BRCA2: variants seen among roughly 807,000 people sequenced by gnomAD.
The protein encoded by BRCA2 is breast cancer type 2 susceptibility protein.
Under a neutral mutation model 276.7 loss-of-function variants are expected in BRCA2, and 203 were observed. The ratio of observed to expected loss-of-function variants is 0.73; its 90% CI spans 0.65 to 0.82. The LOEUF is 0.82. Among genes scored for constraint, BRCA2 ranks in the 40% least tolerant of loss-of-function variants. The probability of loss-of-function intolerance (pLI) is 0.00; values close to 1 mark genes in which losing one functional copy is unlikely to be tolerated. For synonymous variants in BRCA2, 1,289 were observed against 1,338.4 expected, an observed-to-expected ratio of 0.96 and a Z score of 0.81; for missense variants, 3,920 against 3,915.0, an observed-to-expected ratio of 1.00 and a Z score of -0.03.
chr13:32,371,235 G>A lies in BRCA2; in HGVS notation c.8632+135G>A, dbSNP rs276174908. On this transcript the variant is annotated intron_variant, in intron 20 of 26. Transcript: ENST00000380152. ...AATTGACTTTATTTTTTAGTATCTA[G>A]GGTATTCTTTTTTGGTGTTAGACAA... is the stretch of plus-strand genomic sequence containing the variant. 4 of 914,528 alleles carry A rather than the reference G, an allele frequency of 4.4e-6. No homozygotes were observed. The highest frequency in any genetic ancestry group is 6.5e-6 in the Non-Finnish European group (4 of 614,068). 56.7% of individuals were successfully genotyped at this position (914,528 alleles called of 1,614,324 possible).
Position 32,376,688 on chromosome 13 carries a change from A to T in BRCA2, c.8651A>T (p.Tyr2884Phe), listed in dbSNP as rs587781494. 1 of 1,614,136 alleles carries T rather than the reference A, an allele frequency of 6.2e-7. No individual in the cohort carries two copies. Among genetic ancestry groups the T allele is most frequent in the Non-Finnish European group, 8.5e-7 (1 of 1,179,998 alleles). ...TTCTTAGAAAACACAACAAAACCAT[A>T]TTTACCATCACGTGCACTAACAAGA... ...EEHEENTTKP[Y>F]LPSRALTRQQ... The change falls in exon 21 of 27, where the codon TAT (tyrosine) becomes TTT (phenylalanine). Residue 2884 changes from tyrosine to phenylalanine, a missense_variant. Physicochemically the swap from Tyr to Phe is conservative, Grantham distance 22 (BLOSUM62 3). Transcript: ENST00000380152.
Position 32,379,755 on chromosome 13 carries a change from CTGAG to C in BRCA2, c.8961_8964del (p.Ser2988PhefsTer12), listed in dbSNP as rs80359734. On this transcript the variant is annotated frameshift_variant, in exon 23 of 27. Transcript: ENST00000380152. LOFTEE classifies it high-confidence loss of function. ...TCTCATCTTTCTCCAAACAGTTATA[CTGAG>C]TATTTGGCGTCCATCATCAGATTTA... 6.2e-7 allele frequency: 1 copy of C among 1,610,696 alleles called. No individual in the cohort carries two copies. Among genetic ancestry groups the C allele is most frequent in the Non-Finnish European group, 8.5e-7 (1 of 1,177,006 alleles).
intron 12 of BRCA2, among the ~76,000 whole-genome samples, chr13:32,346,592 A>T (rs1042820531): frequency 6.6e-6 from 1 of 152,114 alleles, no homozygotes; most frequent in African/African-American, 2.4e-5. Context: ...GTTAACATCA[A>T]CTGACTAAAT....
At position 32,398,225 on chromosome 13, in the gene BRCA2, A is replaced by T. The variant is rs2137663102; in HGVS notation, c.9712A>T (p.Lys3238Ter). 1 of 1,613,454 alleles carries T rather than the reference A, an allele frequency of 6.2e-7. No homozygotes were observed. The highest frequency in any genetic ancestry group is 8.5e-7 in the Non-Finnish European group (1 of 1,179,786). The change falls in exon 27 of 27, where the codon AAG becomes TAG. Residue 3238 changes from lysine to a stop codon, truncating the protein, a stop_gained. Coordinates refer to ENST00000380152, the MANE Select transcript of BRCA2 (RefSeq NM_000059.4). LOFTEE classifies it low-confidence loss of function (END_TRUNC). ...TTTATCACTTTGTATGGCCAAAAGG[A>T]AGTCTGTTTCCACACCTGTCTCAGC... The part of the protein sequence containing the change: ...SPLSLCMAKR[K>*]SVSTPVSAQM...
In BRCA2 at chr13:32,336,414, G is replaced by T. The variant is rs2072449688; in HGVS notation, c.2059G>T (p.Asp687Tyr). 6.2e-7 allele frequency: 1 copy of T among 1,613,596 alleles called. No individual in the cohort carries two copies. Among genetic ancestry groups the T allele is most frequent in the East Asian group, 2.2e-5 (1 of 44,856 alleles). The change falls in exon 11 of 27, where the codon GAT becomes TAT. Residue 687 changes from aspartate (D) to tyrosine (Y), a missense_variant. This residue lies in a region of BRCA2 where 3,263 missense variants were observed against 3,156.9 expected (regional missense o/e 1.03). Coordinates refer to ENST00000380152, the MANE Select transcript of BRCA2 (RefSeq NM_000059.4). ...SNNTVISQDL[D>Y]YKEAKCNKEK... ...TAATACAGTAATCTCTCAGGATCTT[G>T]ATTATAAAGAAGCAAAATGTAATAA...
intron 7 of BRCA2, among the ~76,000 whole-genome samples, chr13:32,328,484 C>T (rs1008759081): frequency 2.0e-5 from 3 of 152,122 alleles, no homozygotes; most frequent in African/African-American, 4.8e-5. Flanking sequence ...TCAAGTGATT[C>T]GTTTGTCTCA....
rs876661187 is a variant in BRCA2 at position 32,354,887 on chromosome 13, A to G, written c.7034A>G (p.Gln2345Arg). The change falls in exon 14 of 27, where the codon CAG (glutamine) becomes CGG (arginine). Residue 2345 changes from glutamine to arginine, a missense_variant. Physicochemically the swap from Gln to Arg is conservative, Grantham distance 43. This residue lies in a region of BRCA2 where 3,263 missense variants were observed against 3,156.9 expected (regional missense o/e 1.03). Coordinates refer to ENST00000380152, the MANE Select transcript of BRCA2 (RefSeq NM_000059.4). ...FRTTKERQEIQNPNFTAPGQE... is the reference protein window; with the variant it reads ...FRTTKERQEIRNPNFTAPGQE... Reference sequence around the variant, plus strand: ...ACAACTAAGGAACGTCAAGAGATACAGAATCCAAATTTTACCGCACCTGGT... The same window carrying G: ...ACAACTAAGGAACGTCAAGAGATACGGAATCCAAATTTTACCGCACCTGGT... 4 of 1,610,352 alleles carry G rather than the reference A, an allele frequency of 2.5e-6. No individual in the cohort carries two copies. The highest frequency in any genetic ancestry group is 4.5e-5 in the East Asian group (2 of 44,838).
At chr13:32,319,843 C>G (rs1403139274) in intron 3 of BRCA2, among the ~76,000 whole-genome samples, 1 of 152,088 alleles carries the variant, frequency 6.6e-6, no homozygotes, top group African/African-American at 2.4e-5. Flanking sequence ...GAGTGTTAAT[C>G]TCTAGTAAGG....
In BRCA2 at chr13:32,365,109, C is replaced by CTTTTTTTT. The variant is rs57551462; in HGVS notation, c.8331+1597_8331+1604dup. 1.2e-4 allele frequency among the ~76,000 whole-genome samples: 8 copies of CTTTTTTTT among 64,480 alleles called. 1 individual carries two copies. Among genetic ancestry groups the CTTTTTTTT allele is most frequent in the African/African-American group, 1.9e-4 (3 of 15,486 alleles). 42.3% of individuals were successfully genotyped at this position (64,480 alleles called of 152,430 possible). A position where few individuals can be genotyped will look rare whatever the true frequency, so the allele number is the denominator to read the frequency against. ...TAGCTCCTGCTAATTGCAGTGCATTCTTTTTTTTTTTTTTTTTTTTTTTTT... is the reference window on the plus strand; with the variant it reads ...TAGCTCCTGCTAATTGCAGTGCATTCTTTTTTTTTTTTTTTTTTTTTTTTTTTTTTTTT... On this transcript the variant is annotated intron_variant, in intron 18 of 26. Coordinates refer to ENST00000380152, the MANE Select transcript of BRCA2 (RefSeq NM_000059.4).
intron 13 of BRCA2, among the ~76,000 whole-genome samples, chr13:32,352,910 T>G (rs973623129): frequency 6.6e-6 from 1 of 152,144 alleles, no homozygotes. Context: ...GGCAAATTAT[T>G]TCCACTTAGA....
rs2137446674 is a variant in BRCA2, at chr13:32,325,145, A to G, written c.386A>G (p.Asp129Gly). 1 of 1,607,538 alleles carries G rather than the reference A, an allele frequency of 6.2e-7. No individual in the cohort carries two copies. Among genetic ancestry groups the G allele is most frequent in the Non-Finnish European group, 8.5e-7 (1 of 1,174,192 alleles). ...TVKTKMDQAD[D>G]VSCPLLNSCL... is the part of the protein sequence containing the mutation. ...AAAACTAAAATGGATCAAGCAGATG[A>G]TGTTTCCTGTCCACTTCTAAATTCT... Residue 129 changes from aspartate to glycine, a missense_variant, in exon 4 of 27, where the codon GAT becomes GGT. Physicochemically the swap from Asp to Gly is moderately conservative, Grantham distance 94 (BLOSUM62 -1). Transcript: ENST00000380152.
chr13:32,381,786 A>G (rs1035477595), intron 24 of BRCA2, among the ~76,000 whole-genome samples: 1 of 152,154 alleles, frequency 6.6e-6, no homozygotes, highest in African/African-American at 2.4e-5. Flanking sequence ...CAAGAGTACA[A>G]ACAAGCCATT....
In BRCA2 at chr13:32,362,662, C is replaced by G. The variant is rs2137577728; in HGVS notation, c.7945C>G (p.Pro2649Ala). 6.2e-7 allele frequency: 1 copy of G among 1,614,112 alleles called. No individual in the cohort carries two copies. Among genetic ancestry groups the G allele is most frequent in the Admixed American group, 1.7e-5 (1 of 60,010 alleles). Reference protein sequence around the residue: ...PKEFANRCLSPERVLLQLKYR... With the variant: ...PKEFANRCLSAERVLLQLKYR... ...GGAATTTGCTAATAGATGCCTAAGCCCAGAAAGGGTGCTTCTTCAACTAAA... is the reference window on the plus strand; with the variant it reads ...GGAATTTGCTAATAGATGCCTAAGCGCAGAAAGGGTGCTTCTTCAACTAAA... Residue 2649 changes from proline to alanine, a missense_variant, in exon 17 of 27, where the codon CCA (proline) becomes GCA (alanine). By Grantham distance (27) the Pro-to-Ala change is conservative. Transcript: ENST00000380152.
At chr13:32,393,464 T>C (rs139275875) in intron 24 of BRCA2, among the ~76,000 whole-genome samples, 1 of 152,078 alleles carries the variant, frequency 6.6e-6, no homozygotes, top group African/African-American at 2.4e-5. Flanking sequence ...ATTTTATTGT[T>C]TAACTTTTTT....
chr13:32,382,080 G>A (rs1370919940), intron 24 of BRCA2, among the ~76,000 whole-genome samples: 1 of 152,166 alleles, frequency 6.6e-6, no homozygotes, highest in Admixed American at 6.5e-5. Flanking sequence ...TCTGTTCAGA[G>A]GAATGGCTGG....
intron 16 of BRCA2, among the ~76,000 whole-genome samples, chr13:32,358,545 A>G (rs373524836): frequency 4.1e-4 from 63 of 151,932 alleles, no homozygotes; most frequent in African/African-American, 1.4e-3. Flanking sequence ...TAATCCCAGC[A>G]CTTTGGGAGG....
In BRCA2 at chr13:32,339,571, A is replaced by G. The variant is rs2072523751; in HGVS notation, c.5216A>G (p.Tyr1739Cys). 6.2e-7 allele frequency: 1 copy of G among 1,609,336 alleles called. No homozygotes were observed. The highest frequency in any genetic ancestry group is 1.3e-5 in the African/African-American group (1 of 74,780). ...CATCTCTCCGAAAAACAAGATACTT[A>G]TTTAAGTAACAGTAGCATGTCTAAC... ...KNHLSEKQDT[Y>C]LSNSSMSNSY... is the part of the protein sequence containing the mutation. Residue 1739 changes from tyrosine to cysteine, a missense_variant, in exon 11 of 27, where the codon TAT (tyrosine) becomes TGT (cysteine). Coordinates refer to ENST00000380152, the MANE Select transcript of BRCA2 (RefSeq NM_000059.4).
At chr13:32,353,721 C>T (rs939041205) in intron 13 of BRCA2, among the ~76,000 whole-genome samples, 2 of 152,140 alleles carry the variant, frequency 1.3e-5, no homozygotes, top group African/African-American at 4.8e-5. Context: ...GATGGGCGAA[C>T]GGATAACTAA....
chr13:32,343,041 T>A (rs2072583197), intron 11 of BRCA2, among the ~76,000 whole-genome samples: 1 of 141,964 alleles, frequency 7.0e-6, no homozygotes, highest in South Asian at 2.3e-4. Context: ...AGAGCAAGAC[T>A]CCATCTGAAA....
Sources: gnomAD v4.1 joint callset for allele counts (sites outside exome capture counted in the v4.1 genomes callset) on GRCh38, gnomAD v4.1.1 for gene constraint, gnomAD v4.1.1 regional missense constraint, MANE v1.5 for transcripts, NCBI Gene and HGNC (gene_info 2026-07-23, HGNC 2026-07-21) for gene names.